SIPA1L2: variants seen among roughly 807,000 people sequenced by gnomAD.
SIPA1L2 encodes the protein signal induced proliferation associated 1 like 2.
Under a neutral mutation model 163.9 loss-of-function variants are expected in SIPA1L2, and 56 were observed. The observed-to-expected ratio is 0.34, with a 90% CI of 0.28 to 0.43. The LOEUF is 0.43. SIPA1L2 is among the 20% of genes least tolerant of loss of function. SIPA1L2 has a pLI of 1.00. For synonymous variants in SIPA1L2, 877 were observed against 865.7 expected, an observed-to-expected ratio of 1.01 and a Z score of -0.23; for missense variants, 1,974 against 2,193.5, an observed-to-expected ratio of 0.90 and a Z score of 2.00.
chr1:232,513,276 G>C (rs1464753376), intron 3 of SIPA1L2, among the ~76,000 whole-genome samples: 1 of 152,078 alleles, frequency 6.6e-6, no homozygotes, highest in Non-Finnish European at 1.5e-5. Context: ...CCATTTATTT[G>C]ACATAGAATT....
chr1:232,465,094 T>G lies in SIPA1L2; in HGVS notation c.2566A>C (p.Met856Leu). The change falls in exon 9 of 23, where the codon ATG becomes CTG. Residue 856 changes from methionine (M) to leucine (L), a missense_variant. By Grantham distance (15) the Met-to-Leu change is conservative. Around this residue, in one of 3 missense-constraint regions of SIPA1L2, gnomAD observed 1,079 missense variants for 1,150.7 expected, o/e 0.94. Coordinates refer to ENST00000674635, the MANE Select transcript of SIPA1L2 (RefSeq NM_020808.5). The surrounding 1 kb of genome is among the most constrained non-coding windows in gnomAD (Gnocchi z 4.1). ...DAHLFSIGAI[M>L]WHVIARDFGQ... ...AAGTCCCGGGCTATCACGTGCCACA[T>G]GATGGCCCCAATGCTAAACAAGTGG... The G allele has an allele frequency of 3.1e-6, 5 of 1,614,222 alleles. No homozygotes were observed. The South Asian group carries it at 5.5e-5, about 18-fold the overall frequency.
At chr1:232,516,123 T>G (rs1054615464) in intron 2 of SIPA1L2, among the ~76,000 whole-genome samples, 2 of 152,220 alleles carry the variant, frequency 1.3e-5, no homozygotes, top group Admixed American at 6.5e-5. Flanking sequence ...TAGTTTAGTT[T>G]CTTTCAAAAC....
chr1:232,422,725 G>C (rs1661643265), intron 18 of SIPA1L2, among the ~76,000 whole-genome samples: 1 of 152,192 alleles, frequency 6.6e-6, no homozygotes, highest in African/African-American at 2.4e-5. Flanking sequence ...TTGAAGTGAA[G>C]CTATATCTCT....
chr1:232,403,413 C>G, intron 21 of SIPA1L2, 35 bp downstream of exon 21: 1 of 1,599,868 alleles, frequency 6.3e-7, no homozygotes, highest in Non-Finnish European at 8.5e-7. Flanking sequence ...ATGCCTGGAA[C>G]AGCAGGAGGG....
chr1:232,429,269 G>A (rs1341409275), intron 16 of SIPA1L2, among the ~76,000 whole-genome samples: 4 of 152,140 alleles, frequency 2.6e-5, no homozygotes, highest in South Asian at 4.1e-4. Context: ...AACAGTCAGC[G>A]GCTGCACTGT....
chr1:232,473,929 A>C (rs1218707484), intron 7 of SIPA1L2, among the ~76,000 whole-genome samples: 3 of 152,252 alleles, frequency 2.0e-5, no homozygotes, highest in Non-Finnish European at 2.9e-5. Flanking sequence ...GAAAATTAAC[A>C]GAAATATTAT....
chr1:232,523,894 C>T lies in SIPA1L2; in HGVS notation c.-269-8286G>A, dbSNP rs144843752. 1.9e-3 allele frequency among the ~76,000 whole-genome samples: 286 copies of T among 152,312 alleles called. 2 individuals carry two copies. The highest frequency in any genetic ancestry group is 6.8e-3 in the Middle Eastern group (2 of 294). ...AAAGCCTTCAAATCTGAAGATGCTTCCTTTCAACTTGGCATAAAGGACATG... is the reference window on the plus strand; with the variant it reads ...AAAGCCTTCAAATCTGAAGATGCTTTCTTTCAACTTGGCATAAAGGACATG... On this transcript the variant is annotated intron_variant, in intron 2 of 22. Coordinates refer to ENST00000674635, the MANE Select transcript of SIPA1L2 (RefSeq NM_020808.5).
intron 9 of SIPA1L2, among the ~76,000 whole-genome samples, chr1:232,462,930 A>T (rs1664315965): frequency 6.6e-6 from 1 of 152,140 alleles, no homozygotes; most frequent in Non-Finnish European, 1.5e-5. Context: ...GCTTCCTAAC[A>T]TCCCCAAAGT....
intron 2 of SIPA1L2, among the ~76,000 whole-genome samples, chr1:232,519,740 A>G (rs1441893244): frequency 3.3e-5 from 5 of 152,228 alleles, no homozygotes; most frequent in Admixed American, 2.6e-4. Context: ...GAAATATTAA[A>G]AAGATGTAGA....
rs559297798 is a variant in SIPA1L2 at position 232,482,928 on chromosome 1, T to C, written c.1981+864A>G. On this transcript the variant is annotated intron_variant, in intron 6 of 22. Transcript: ENST00000674635. ...CTTCAGATCCTCCAAGTTTAGACTA[T>C]CTGTTCATCTCTTTTCGTTCAAAGA... 1.6e-4 allele frequency among the ~76,000 whole-genome samples: 24 copies of C among 152,346 alleles called. No homozygotes were observed. The South Asian group carries it at 4.8e-3, about 30-fold the overall frequency.
intron 1 of SIPA1L2, among the ~76,000 whole-genome samples, chr1:232,582,644 T>C (rs1029593892): frequency 1.3e-5 from 2 of 152,186 alleles, no homozygotes; most frequent in Non-Finnish European, 1.5e-5. Context: ...TTTTGGTATA[T>C]GATCTATTTT....
intron 9 of SIPA1L2, 122 bp from the exon 10 acceptor site, chr1:232,461,283 GTCTC>G: frequency 1.6e-6 from 2 of 1,223,900 alleles, no homozygotes; most frequent in Non-Finnish European, 2.3e-6. Context: ...AGCCCAGCCT[GTCTC>G]TCTCTGCCTT....
At chr1:232,408,904 T>C (rs1660793075) in intron 19 of SIPA1L2, among the ~76,000 whole-genome samples, 1 of 152,184 alleles carries the variant, frequency 6.6e-6, no homozygotes, top group Non-Finnish European at 1.5e-5. Flanking sequence ...CTGTATGTTC[T>C]CTCACTACTC....
intron 18 of SIPA1L2, 37 bp from the exon 19 acceptor site, chr1:232,415,662 C>A: frequency 1.2e-6 from 2 of 1,612,964 alleles, no homozygotes; most frequent in South Asian, 2.2e-5. Flanking sequence ...AGTCATCAGT[C>A]ACAGCACGGG....
At chr1:232,400,129 G>A (rs1482760464) in intron 22 of SIPA1L2, among the ~76,000 whole-genome samples, 1 of 152,120 alleles carries the variant, frequency 6.6e-6, no homozygotes, top group African/African-American at 2.4e-5. Context: ...GTCCTCAGAG[G>A]AGGCCTGAAT....
rs924632725 is a variant in SIPA1L2 at position 232,422,140 on chromosome 1, T to C, written c.4630+3449A>G. Among the ~76,000 whole-genome samples the C allele has an allele frequency of 3.3e-5, 5 of 152,214 alleles. No homozygotes were observed. In the Middle Eastern group the frequency reaches 0.014, roughly 414 times the overall value. On this transcript the variant is annotated intron_variant, in intron 18 of 22. Transcript: ENST00000674635. ...TTTCTCACCTGGGCCCTTAAATAAA[T>C]TTTCTTCTGCAATCTACCAATGACA...
chr1:232,476,159 A>C (rs2102958269), intron 7 of SIPA1L2, among the ~76,000 whole-genome samples: 1 of 152,276 alleles, frequency 6.6e-6, no homozygotes, highest in South Asian at 2.1e-4. Flanking sequence ...AAACTCTTTA[A>C]GGCAGGAGCT....
chr1:232,604,753 T>C (rs1558299287), intron 1 of SIPA1L2, among the ~76,000 whole-genome samples: 2 of 152,186 alleles, frequency 1.3e-5, no homozygotes, highest in Non-Finnish European at 2.9e-5. Context: ...CTCCTAGTAC[T>C]ATCTCATGAT....
intron 19 of SIPA1L2, among the ~76,000 whole-genome samples, chr1:232,409,542 G>T (rs1660830508): frequency 6.6e-6 from 1 of 152,182 alleles, no homozygotes; most frequent in South Asian, 2.1e-4. Flanking sequence ...ATAGAACGTG[G>T]TGAATATAAT....
Sources: gnomAD v4.1 joint callset for allele counts (sites outside exome capture counted in the v4.1 genomes callset) on GRCh38, gnomAD v4.1.1 for gene constraint, gnomAD v4.1.1 regional missense constraint, Gnocchi (gnomAD v3.1) non-coding constraint, MANE v1.5 for transcripts, NCBI Gene and HGNC (gene_info 2026-07-23, HGNC 2026-07-21) for gene names.